IDE: variants seen among roughly 807,000 people sequenced by gnomAD.
The protein encoded by IDE is insulin degrading enzyme.
IDE carries 58 observed loss-of-function variants against 133.2 expected under a neutral mutation model. The ratio of observed to expected loss-of-function variants is 0.44; its 90% confidence interval spans 0.35 to 0.54. The LOEUF (loss-of-function observed/expected upper bound fraction) is 0.54. IDE is among the 20% of genes least tolerant of loss of function. IDE has a pLI of 0.00. For missense variants in IDE, 981 were observed against 1,234.0 expected (o/e 0.79, Z 3.07); for synonymous variants, 396 against 421.3 (o/e 0.94, Z 0.73).
intron 2 of IDE, among the ~76,000 whole-genome samples, chr10:92,537,015 C>T (rs532944700): frequency 1.8e-4 from 27 of 147,056 alleles, no homozygotes; most frequent in African/African-American, 6.3e-4. Context: ...TCCAGCCTGG[C>T]GACAGAGTAA....
chr10:92,472,591 C>T (rs1008559393), intron 17 of IDE, among the ~76,000 whole-genome samples: 2 of 150,884 alleles, frequency 1.3e-5, no homozygotes, highest in South Asian at 2.1e-4. Context: ...CATAGTGTTA[C>T]GTAAGTATAA....
chr10:92,496,796 A>T (rs1028802327), intron 11 of IDE, among the ~76,000 whole-genome samples: 1 of 152,206 alleles, frequency 6.6e-6, no homozygotes, highest in Non-Finnish European at 1.5e-5. Flanking sequence ...AAAAAATATA[A>T]AAATAAAAAA....
intron 23 of IDE, 100 bp from the exon 24 acceptor site, chr10:92,455,743 G>A (rs940294660): frequency 4.3e-5 from 30 of 699,984 alleles, no homozygotes; most frequent in Non-Finnish European, 5.5e-5. Context: ...TAAAAACACC[G>A]CACCAGCCCC....
intron 4 of IDE, among the ~76,000 whole-genome samples, chr10:92,523,282 G>T (rs1324025017): frequency 6.6e-6 from 1 of 152,198 alleles, no homozygotes; most frequent in South Asian, 2.1e-4. Context: ...TTCAGAGGCT[G>T]AGGCAGGAGA....
intron 8 of IDE, 129 bp downstream of exon 8, chr10:92,507,984 A>G: frequency 1.4e-6 from 1 of 713,538 alleles, no homozygotes. Context: ...TGAAAAATAC[A>G]ATGGATAAGT....
chr10:92,470,186 A>G (rs1589376760), intron 18 of IDE, 68 bp downstream of exon 18: 3 of 1,045,776 alleles, frequency 2.9e-6, no homozygotes, highest in East Asian at 2.5e-5. Context: ...AACAATCTTG[A>G]GAAAGACTAG....
At chr10:92,481,032 C>T (rs1846573413) in intron 14 of IDE, 3 of 348,900 alleles carry the variant, frequency 8.6e-6, no homozygotes, top group Admixed American at 6.5e-5. Flanking sequence ...AATAAATGTT[C>T]TGCCATTAAA....
intron 4 of IDE, among the ~76,000 whole-genome samples, chr10:92,530,668 A>T (rs1849873464): frequency 6.6e-6 from 1 of 152,194 alleles, no homozygotes; most frequent in Non-Finnish European, 1.5e-5. Context: ...ACTTTTTAAA[A>T]AATTCAGCAT....
chr10:92,485,125 C>CTTTTTTTTTTTTTTTT (rs34615998), intron 13 of IDE, among the ~76,000 whole-genome samples: 7 of 100,858 alleles, frequency 6.9e-5, no homozygotes, highest in African/African-American at 1.6e-4. Context: ...TTCTTTCTTT[C>CTTTTTTTTTTTTTTTT]TTTTTTTTTT....
chr10:92,549,729 T>C (rs1351829144), intron 1 of IDE, among the ~76,000 whole-genome samples: 1 of 151,806 alleles, frequency 6.6e-6, no homozygotes, highest in Non-Finnish European at 1.5e-5. Flanking sequence ...ATATATATAA[T>C]ATATTCAATA....
chr10:92,512,336 C>T (rs1192626594), intron 5 of IDE, among the ~76,000 whole-genome samples: 1 of 152,174 alleles, frequency 6.6e-6, no homozygotes. Context: ...ACTGTAAAGA[C>T]ATCTCTCTCT....
At chr10:92,512,362 G>A (rs1335466819) in intron 5 of IDE, among the ~76,000 whole-genome samples, 2 of 152,162 alleles carry the variant, frequency 1.3e-5, no homozygotes, top group Non-Finnish European at 2.9e-5. Flanking sequence ...AGCACAGGAA[G>A]TCAGTCACAA....
At chr10:92,467,167 T>C (rs1589372025) in intron 19 of IDE, among the ~76,000 whole-genome samples, 1 of 151,950 alleles carries the variant, frequency 6.6e-6, no homozygotes, top group African/African-American at 2.4e-5. Context: ...CTCAACCTCC[T>C]GGGCTCAAGC....
intron 12 of IDE, among the ~76,000 whole-genome samples, chr10:92,489,677 T>G (rs1160396188): frequency 1.3e-5 from 2 of 152,220 alleles, no homozygotes; most frequent in Non-Finnish European, 2.9e-5. Context: ...GATGGACATT[T>G]TCACACACTG....
At chr10:92,559,727 T>G (rs955719246) in intron 1 of IDE, among the ~76,000 whole-genome samples, 3 of 147,316 alleles carry the variant, frequency 2.0e-5, no homozygotes, top group Admixed American at 1.4e-4. Context: ...CTAAAACCCA[T>G]GAATGGTATA....
intron 1 of IDE, among the ~76,000 whole-genome samples, chr10:92,553,645 A>T (rs902195865): frequency 2.6e-5 from 4 of 152,118 alleles, no homozygotes; most frequent in African/African-American, 7.2e-5. Context: ...GAGATGAAAA[A>T]GGAGACATTA....
intron 1 of IDE, among the ~76,000 whole-genome samples, chr10:92,551,360 G>A (rs978966900): frequency 2.0e-5 from 3 of 151,892 alleles, no homozygotes; most frequent in Non-Finnish European, 4.4e-5. Flanking sequence ...AGGAGGTCAA[G>A]AGATCGAGAC....
chr10:92,543,796 T>C (rs1842415387), intron 1 of IDE, among the ~76,000 whole-genome samples: 1 of 152,214 alleles, frequency 6.6e-6, no homozygotes, highest in Non-Finnish European at 1.5e-5. Flanking sequence ...ATAGAAACGT[T>C]ATAAAGTTTA....
intron 1 of IDE, among the ~76,000 whole-genome samples, chr10:92,562,911 G>T (rs1010678528): frequency 3.9e-5 from 6 of 152,104 alleles, no homozygotes; most frequent in Admixed American, 2.0e-4. Flanking sequence ...AGGCCAAGGC[G>T]GGTGGATCAT....
Sources: gnomAD v4.1 joint callset for allele counts (sites outside exome capture counted in the v4.1 genomes callset) on GRCh38, gnomAD v4.1.1 for gene constraint, MANE v1.5 for transcripts, NCBI Gene and HGNC (gene_info 2026-07-23, HGNC 2026-07-21) for gene names.